Variants in DCAF6 observed in about 807,000 individuals in gnomAD.
DCAF6 encodes the protein DDB1- and CUL4-associated factor 6.
Under a neutral mutation model 125.1 loss-of-function variants are expected in DCAF6, and 54 were observed. The ratio of observed to expected loss-of-function variants is 0.43; its 90% CI spans 0.35 to 0.54. The LOEUF is 0.54. Among genes scored for constraint, DCAF6 ranks in the 20% least tolerant of loss-of-function variants. The pLI is 0.01. For synonymous variants in DCAF6, 371 were observed against 390.4 expected (o/e 0.95, Z 0.58); for missense variants, 934 against 1,161.7 (o/e 0.80, Z 2.85).
At chr1:168,033,304 CTTT>C (rs200401545) in intron 12 of DCAF6, among the ~76,000 whole-genome samples, 3 of 119,788 alleles carry the variant, frequency 2.5e-5, no homozygotes, top group African/African-American at 3.3e-5. Context: ...TGAAAAGGAT[CTTT>C]TTTTTTTTTT....
intron 13 of DCAF6, among the ~76,000 whole-genome samples, chr1:168,040,296 T>G (rs1182538868): frequency 6.6e-6 from 1 of 151,768 alleles, no homozygotes; most frequent in East Asian, 1.9e-4. Context: ...GAGTGACCAG[T>G]GGAGAGAAGA....
the DCAF6 span, among the ~76,000 whole-genome samples, chr1:167,921,233 T>C: frequency 1.3e-5 from 2 of 151,828 alleles, no homozygotes; most frequent in African/African-American, 4.8e-5. Flanking sequence ...TTAGATCATT[T>C]TTTTTTTTTT....
intron 10 of DCAF6, among the ~76,000 whole-genome samples, chr1:168,009,866 T>G (rs1290506151): frequency 6.6e-6 from 1 of 151,320 alleles, no homozygotes; most frequent in Non-Finnish European, 1.5e-5. Context: ...TGATAAGCTC[T>G]CTTGAAGACA....
At chr1:167,979,564 C>T (rs1331040115) in intron 4 of DCAF6, among the ~76,000 whole-genome samples, 1 of 152,198 alleles carries the variant, frequency 6.6e-6, no homozygotes, top group South Asian at 2.1e-4. Flanking sequence ...GAGAAGATTC[C>T]GTTGTATGTA....
chr1:167,879,079 G>A, the DCAF6 span, among the ~76,000 whole-genome samples: 13 of 152,174 alleles, frequency 8.5e-5, no homozygotes, highest in South Asian at 2.1e-4. Context: ...GCGATTTCTC[G>A]ATTTAGTAAA....
chr1:168,012,563 A>G (rs938632986), intron 10 of DCAF6, among the ~76,000 whole-genome samples: 1 of 152,190 alleles, frequency 6.6e-6, no homozygotes, highest in African/African-American at 2.4e-5. Context: ...TATGTTTGTG[A>G]TATCTTTTTA....
chr1:167,941,257 C>T (rs1393979398), intron 1 of DCAF6, among the ~76,000 whole-genome samples: 2 of 152,046 alleles, frequency 1.3e-5, no homozygotes, highest in Non-Finnish European at 2.9e-5. Context: ...GTAAGATATA[C>T]TGATAATTCC....
At chr1:167,905,303 G>A in the DCAF6 span, 4 of 873,096 alleles carry the variant, frequency 4.6e-6, no homozygotes. Context: ...TGCTTATAGT[G>A]GTGAAAATGC....
chr1:168,042,419 A>G (rs1243633401), intron 13 of DCAF6, among the ~76,000 whole-genome samples: 1 of 152,048 alleles, frequency 6.6e-6, no homozygotes, highest in Non-Finnish European at 1.5e-5. Context: ...CGCTATAGCT[A>G]GAAATGCTAA....
intron 7 of DCAF6, among the ~76,000 whole-genome samples, chr1:167,994,101 C>T (rs1681283909): frequency 1.3e-5 from 2 of 151,820 alleles, no homozygotes; most frequent in African/African-American, 4.8e-5. Context: ...TTACTAGCGT[C>T]TATTCTTAAT....
At chr1:167,911,972 G>T in the DCAF6 span, among the ~76,000 whole-genome samples, 1 of 152,150 alleles carries the variant, frequency 6.6e-6, no homozygotes, top group Non-Finnish European at 1.5e-5. Flanking sequence ...GGTTTAAAAG[G>T]CAGGGAGATC....
the DCAF6 span, among the ~76,000 whole-genome samples, chr1:167,915,016 G>A: frequency 2.9e-3 from 446 of 152,206 alleles, 1 homozygote; most frequent in African/African-American, 0.01. Flanking sequence ...ATCCCCTTAG[G>A]GAGAGCTATT....
intron 17 of DCAF6, among the ~76,000 whole-genome samples, chr1:168,062,718 A>C (rs1328800459): frequency 1.3e-5 from 2 of 152,006 alleles, no homozygotes; most frequent in African/African-American, 4.8e-5. Flanking sequence ...ATTAAGTAAT[A>C]TGTGTTAGGA....
At chr1:167,980,870 T>C (rs764029048) in intron 4 of DCAF6, among the ~76,000 whole-genome samples, 1 of 151,760 alleles carries the variant, frequency 6.6e-6, no homozygotes, top group African/African-American at 2.4e-5. Context: ...TTATATCTAA[T>C]AAATCATTGT....
Position 167,970,776 on chromosome 1 carries a change from T to C in DCAF6, c.253-4054T>C, listed in dbSNP as rs181871987. 2.0e-5 allele frequency among the ~76,000 whole-genome samples: 3 copies of C among 152,272 alleles called. No individual in the cohort carries two copies. In the East Asian group the frequency reaches 5.8e-4, roughly 29 times the overall value. ...ATTATTTTTAGATCCTATGATTTTG[T>C]GGGAACATTAATTTATTGAAAATAA... On this transcript the variant is annotated intron_variant, in intron 3 of 21. Transcript: ENST00000367840.
the DCAF6 span, among the ~76,000 whole-genome samples, chr1:167,867,576 A>C: frequency 6.6e-6 from 1 of 152,214 alleles, no homozygotes; most frequent in Non-Finnish European, 1.5e-5. Context: ...AACCAACCTG[A>C]TGTGTGTTAT....
chr1:168,034,811 A>G (rs1352518109), intron 12 of DCAF6, among the ~76,000 whole-genome samples: 1 of 152,222 alleles, frequency 6.6e-6, no homozygotes, highest in Non-Finnish European at 1.5e-5. Context: ...GCATTATGTA[A>G]ATAAGACTTT....
Position 167,936,951 on chromosome 1 carries a change from G to T in DCAF6, c.40G>T (p.Val14Leu). The T allele has an allele frequency of 6.2e-7, 1 of 1,610,786 alleles. No individual in the cohort carries two copies. Among genetic ancestry groups the T allele is most frequent in the Non-Finnish European group, 8.5e-7 (1 of 1,179,120 alleles). ...CTCCTACCCACACCTGTTGTGGGAC[G>T]TGAGGAAAAGGTCCCTCGGGCTGGA... ...GGSYPHLLWD[V>L]RKRSLGLEDP... Residue 14 changes from valine to leucine, a missense_variant, in exon 1 of 22, where the codon GTG becomes TTG. Around this residue, in one of 5 missense-constraint regions of DCAF6, gnomAD observed 309 missense variants for 381.2 expected, o/e 0.81. Coordinates refer to ENST00000367840, the MANE Select transcript of DCAF6 (RefSeq NM_001198956.2).
At chr1:167,943,918 A>C (rs1383608949) in intron 1 of DCAF6, among the ~76,000 whole-genome samples, 2 of 148,960 alleles carry the variant, frequency 1.3e-5, no homozygotes, top group Non-Finnish European at 3.0e-5. Flanking sequence ...GGCTTACTGC[A>C]AGTTCCGCCT....
Sources: gnomAD v4.1 joint callset for allele counts (sites outside exome capture counted in the v4.1 genomes callset) on GRCh38, gnomAD v4.1.1 for gene constraint, gnomAD v4.1.1 regional missense constraint, MANE v1.5 for transcripts, NCBI Gene and HGNC (gene_info 2026-07-23, HGNC 2026-07-21) for gene names.